The following EPHA6 variants were observed in gnomAD, a reference collection of about 807,000 sequenced individuals.
EPHA6 encodes ephrin type-A receptor 6.
Under a neutral mutation model 112.0 loss-of-function variants are expected in EPHA6, and 50 were observed. The observed-to-expected ratio is 0.45, with a 90% CI of 0.36 to 0.56. EPHA6 has a LOEUF of 0.56. Ranked by LOEUF, EPHA6 falls within the 20% of genes least tolerant of loss-of-function variation. EPHA6 has a pLI of 0.00. For missense variants in EPHA6, 1,280 were observed against 1,417.4 expected (o/e 0.90, Z 1.56); for synonymous variants, 529 against 490.7 (o/e 1.08, Z -1.03).
intron 5 of EPHA6, among the ~76,000 whole-genome samples, chr3:97,382,387 C>T (rs754627081): frequency 6.6e-6 from 1 of 151,934 alleles, no homozygotes; most frequent in Admixed American, 6.6e-5. Context: ...TAAAACATAG[C>T]ATTTTGTTCT....
intron 3 of EPHA6, among the ~76,000 whole-genome samples, chr3:96,996,766 A>G (rs1261989726): frequency 1.3e-5 from 2 of 152,104 alleles, no homozygotes; most frequent in Non-Finnish European, 2.9e-5. Context: ...TAGATTTATC[A>G]TAATTCTTAC....
intron 12 of EPHA6, among the ~76,000 whole-genome samples, chr3:97,600,703 A>G (rs2093636138): frequency 6.6e-6 from 1 of 152,144 alleles, no homozygotes; most frequent in East Asian, 1.9e-4. Context: ...TAAAGTTTGC[A>G]CACAAAGAAC....
At chr3:96,908,649 G>A (rs530423125) in intron 2 of EPHA6, among the ~76,000 whole-genome samples, 1 of 152,014 alleles carries the variant, frequency 6.6e-6, no homozygotes, top group Admixed American at 6.6e-5. Flanking sequence ...TAACTGAGTG[G>A]GTTCATTAAT....
intron 3 of EPHA6, among the ~76,000 whole-genome samples, chr3:97,078,432 C>T (rs1054063230): frequency 2.0e-4 from 30 of 152,162 alleles, no homozygotes; most frequent in African/African-American, 5.3e-4. Context: ...GCTTTTGTTG[C>T]CATTGCTTTT....
chr3:96,982,964 G>C (rs2042861529), intron 2 of EPHA6, among the ~76,000 whole-genome samples: 1 of 151,978 alleles, frequency 6.6e-6, no homozygotes, highest in African/African-American at 2.4e-5. Flanking sequence ...ATATGTGATG[G>C]GTTTCCTGAA....
rs944287902 is a variant in EPHA6 at position 97,754,751 on chromosome 3, T to C, written c.*6050T>C. On this transcript the variant is annotated 3_prime_UTR_variant, in exon 18 of 18. Transcript: ENST00000389672. ...CGGAGTCTCGCTCTGTCGCCTAGGCTGGAGTGCAGTGGCGAGATCTCGGCT... is the reference window on the plus strand; with the variant it reads ...CGGAGTCTCGCTCTGTCGCCTAGGCCGGAGTGCAGTGGCGAGATCTCGGCT... Among the ~76,000 whole-genome samples, 4 of 152,242 alleles carry C rather than the reference T, an allele frequency of 2.6e-5. No individual in the cohort carries two copies.
chr3:96,910,277 A>G (rs2039149927), intron 2 of EPHA6, among the ~76,000 whole-genome samples: 1 of 152,002 alleles, frequency 6.6e-6, no homozygotes, highest in Admixed American at 6.6e-5. Flanking sequence ...ATCCCTTTCT[A>G]CCATCAAATT....
chr3:97,610,010 G>A (rs149991940), intron 12 of EPHA6, among the ~76,000 whole-genome samples: 6 of 151,506 alleles, frequency 4.0e-5, no homozygotes, highest in African/African-American at 1.4e-4. Context: ...TATTTATGTC[G>A]AATATTCTAC....
At chr3:97,247,916 A>G (rs1240040714) in intron 5 of EPHA6, among the ~76,000 whole-genome samples, 5 of 151,976 alleles carry the variant, frequency 3.3e-5, no homozygotes, top group East Asian at 3.9e-4. Context: ...TTCCTACTCT[A>G]TGTATGCACA....
intron 2 of EPHA6, among the ~76,000 whole-genome samples, chr3:96,955,824 AT>A (rs2041735660): frequency 6.6e-6 from 1 of 152,196 alleles, no homozygotes; most frequent in South Asian, 2.1e-4. Flanking sequence ...AGATGAATGC[AT>A]TTTAATTAAA....
intron 1 of EPHA6, among the ~76,000 whole-genome samples, chr3:96,816,167 T>A (rs2107191047): frequency 6.6e-6 from 1 of 152,304 alleles, no homozygotes; most frequent in East Asian, 1.9e-4. Flanking sequence ...GCCATTTTAC[T>A]TAGAAATGTT....
chr3:97,409,760 C>T (rs1413200660), intron 6 of EPHA6, among the ~76,000 whole-genome samples: 2 of 152,080 alleles, frequency 1.3e-5, no homozygotes, highest in African/African-American at 4.8e-5. Flanking sequence ...TTTTAAGACA[C>T]TGTGACTGTT....
chr3:97,448,504 T>A, intron 6 of EPHA6, 64 bp from the exon 7 acceptor site: 1 of 1,531,808 alleles, frequency 6.5e-7, no homozygotes, highest in East Asian at 2.3e-5. Context: ...AACTTTGGAA[T>A]GTTTCTAGGA....
intron 14 of EPHA6, among the ~76,000 whole-genome samples, chr3:97,650,624 A>AT (rs1393604517): frequency 6.6e-6 from 1 of 151,970 alleles, no homozygotes; most frequent in Non-Finnish European, 1.5e-5. Context: ...AAACCTCTAT[A>AT]TTTTATTTGT....
intron 14 of EPHA6, among the ~76,000 whole-genome samples, chr3:97,639,439 A>G (rs2107563303): frequency 6.6e-6 from 1 of 152,184 alleles, no homozygotes; most frequent in Admixed American, 6.5e-5. Context: ...CATTAAGCAC[A>G]TTATTTCTAA....
intron 2 of EPHA6, among the ~76,000 whole-genome samples, chr3:96,919,082 T>G (rs868261108): frequency 6.6e-6 from 1 of 151,984 alleles, no homozygotes; most frequent in African/African-American, 2.4e-5. Flanking sequence ...ATGTTACTCC[T>G]TATTGACTCT....
intron 5 of EPHA6, among the ~76,000 whole-genome samples, chr3:97,258,271 C>T (rs555532876): frequency 1.3e-5 from 2 of 151,964 alleles, no homozygotes; most frequent in South Asian, 4.2e-4. Flanking sequence ...CACACACACA[C>T]ACATACATAA....
intron 6 of EPHA6, among the ~76,000 whole-genome samples, chr3:97,432,231 A>C (rs903132760): frequency 6.6e-6 from 1 of 152,140 alleles, no homozygotes; most frequent in Non-Finnish European, 1.5e-5. Context: ...TAAACAACAA[A>C]TGCAATTCCA....
In EPHA6 at chr3:96,866,820, TC is replaced by T; in HGVS notation, c.386-3del. 1 of 1,446,432 alleles carries T rather than the reference TC, an allele frequency of 6.9e-7. No homozygotes were observed. The highest frequency in any genetic ancestry group is 9.1e-7 in the Non-Finnish European group (1 of 1,094,260). 89.6% of individuals were successfully genotyped at this position (1,446,432 alleles called of 1,614,324 possible). On this transcript the variant is annotated splice_polypyrimidine_tract_variant and splice_region_variant and intron_variant, in intron 1 of 17. Transcript: ENST00000389672. ...ATGGAATTTTTATTTTCTATTTAATTCCAGTTGTGTTGCTTGATACAACAAC... is the reference window on the plus strand; with the variant it reads ...ATGGAATTTTTATTTTCTATTTAATTCAGTTGTGTTGCTTGATACAACAAC...
Sources: allele counts gnomAD v4.1 joint callset (sites outside exome capture counted in the v4.1 genomes callset), GRCh38; gene constraint gnomAD v4.1.1; transcripts MANE v1.5; gene names NCBI Gene and HGNC (gene_info 2026-07-23, HGNC 2026-07-21).